ADAM32: variants seen among roughly 807,000 people sequenced by gnomAD.
ADAM32 encodes the protein ADAM metallopeptidase domain 32, also known as disintegrin and metalloproteinase domain-containing protein 32.
A neutral mutation model predicts 114.9 loss-of-function variants in ADAM32; 89 were observed. The ratio of observed to expected loss-of-function variants is 0.77; its 90% confidence interval spans 0.65 to 0.92. ADAM32 has a LOEUF of 0.92. Among genes scored for constraint, ADAM32 ranks in the 40% least tolerant of loss-of-function variants. The pLI is 0.00. For missense variants in ADAM32, 870 were observed against 932.8 expected (o/e 0.93, Z 0.88); for synonymous variants, 285 against 307.5 (o/e 0.93, Z 0.77).
At chr8:39,277,301 T>A (rs570806558) in intron 22 of ADAM32, among the ~76,000 whole-genome samples, 1 of 152,374 alleles carries the variant, frequency 6.6e-6, no homozygotes, top group African/African-American at 2.4e-5. Context: ...TCTAGCCTTC[T>A]GGCTTACCGT....
At chr8:39,127,710 C>G (rs373886631) in intron 2 of ADAM32, among the ~76,000 whole-genome samples, 2 of 151,304 alleles carry the variant, frequency 1.3e-5, no homozygotes, top group African/African-American at 4.9e-5. Context: ...TATTTCTTGT[C>G]TTCTTCTAGC....
chr8:39,217,083 A>T (rs1244127793), intron 12 of ADAM32, among the ~76,000 whole-genome samples: 4 of 141,160 alleles, frequency 2.8e-5, no homozygotes, highest in Non-Finnish European at 6.1e-5. Context: ...GAAAGTCTTT[A>T]TTTCTCCATT....
At chr8:39,142,432 T>TA (rs1803219842) in intron 3 of ADAM32, among the ~76,000 whole-genome samples, 1 of 152,228 alleles carries the variant, frequency 6.6e-6, no homozygotes, top group Non-Finnish European at 1.5e-5. Context: ...TGCTTGTCTG[T>TA]AAAGTATTTT....
At chr8:39,191,366 C>A (rs1176560165) in intron 11 of ADAM32, among the ~76,000 whole-genome samples, 1 of 152,202 alleles carries the variant, frequency 6.6e-6, no homozygotes, top group East Asian at 1.9e-4. Flanking sequence ...TACACTCCCA[C>A]CAACAGTGTA....
At chr8:39,231,443 G>T (rs964212502) in intron 14 of ADAM32, among the ~76,000 whole-genome samples, 65 of 152,174 alleles carry the variant, frequency 4.3e-4, no homozygotes, top group Admixed American at 2.0e-4. Context: ...AAAATATGCA[G>T]AGAAAACCTG....
At chr8:39,170,571 T>C (rs943863229) in intron 10 of ADAM32, among the ~76,000 whole-genome samples, 6 of 152,184 alleles carry the variant, frequency 3.9e-5, no homozygotes, top group Middle Eastern at 6.8e-3. Context: ...GTTTAAGTAC[T>C]ATTTTTTTAA....
chr8:39,255,438 G>A (rs775163194), intron 18 of ADAM32, among the ~76,000 whole-genome samples: 22 of 151,928 alleles, frequency 1.4e-4, no homozygotes, highest in Non-Finnish European at 1.6e-4. Context: ...GAGTAAGGTG[G>A]TATTGCATTG....
chr8:39,184,369 G>C (rs965104761), intron 10 of ADAM32, among the ~76,000 whole-genome samples: 3 of 152,150 alleles, frequency 2.0e-5, no homozygotes, highest in African/African-American at 7.2e-5. Flanking sequence ...ATATGTGCTA[G>C]TATTTCTATT....
chr8:39,111,752 A>G (rs1840170957), intron 1 of ADAM32, among the ~76,000 whole-genome samples: 2 of 151,874 alleles, frequency 1.3e-5, no homozygotes, highest in Admixed American at 6.6e-5. Flanking sequence ...AGGAAAAAAA[A>G]AAAGAACAAG....
chr8:39,239,911 A>G (rs1810446544), intron 16 of ADAM32, among the ~76,000 whole-genome samples: 1 of 152,208 alleles, frequency 6.6e-6, no homozygotes, highest in African/African-American at 2.4e-5. Context: ...CTAACACTAG[A>G]GCTCCCAAAT....
chr8:39,160,426 G>A (rs1447657809), intron 6 of ADAM32, among the ~76,000 whole-genome samples: 1 of 151,488 alleles, frequency 6.6e-6, no homozygotes, highest in South Asian at 2.1e-4. Flanking sequence ...TGTAGTCCCA[G>A]CTACTCCGGA....
chr8:39,132,668 T>G (rs185342187), intron 2 of ADAM32, among the ~76,000 whole-genome samples: 5 of 152,334 alleles, frequency 3.3e-5, no homozygotes, highest in African/African-American at 1.2e-4. Context: ...CTAAATAAAT[T>G]TCTTCAGTAT....
intron 14 of ADAM32, chr8:39,223,454 A>G (rs1313060965): frequency 3.9e-6 from 1 of 258,646 alleles, no homozygotes; most frequent in African/African-American, 2.2e-5. Flanking sequence ...ATAAGCAAAC[A>G]TATACGCGCT....
At chr8:39,246,502 A>G (rs1276984035) in intron 17 of ADAM32, among the ~76,000 whole-genome samples, 1 of 152,208 alleles carries the variant, frequency 6.6e-6, no homozygotes, top group Non-Finnish European at 1.5e-5. Context: ...GGGATCATGA[A>G]AAACTATTGT....
At chr8:39,112,118 A>T (rs981515050) in intron 1 of ADAM32, among the ~76,000 whole-genome samples, 1 of 152,124 alleles carries the variant, frequency 6.6e-6, no homozygotes, top group Non-Finnish European at 1.5e-5. Flanking sequence ...CTGATTGTCA[A>T]TTTTACTATA....
At chr8:39,147,268 T>C in intron 4 of ADAM32, 63 bp downstream of exon 4, 1 of 676,894 alleles carries the variant, frequency 1.5e-6, no homozygotes, top group Non-Finnish European at 2.0e-6. Context: ...ATAAATGCTT[T>C]ATTATACAGA....
Position 39,254,503 on chromosome 8 carries a change from TG to T in ADAM32, c.1993del (p.Glu665ArgfsTer21). 1 of 1,581,512 alleles carries T rather than the reference TG, an allele frequency of 6.3e-7. No homozygotes were observed. Among genetic ancestry groups the T allele is most frequent in the Non-Finnish European group, 8.6e-7 (1 of 1,161,624 alleles). On this transcript the variant is annotated frameshift_variant, in exon 18 of 25. Transcript: ENST00000379907. LOFTEE classifies it high-confidence loss of function. ...GTTCCAAAGGATTTTCCATATTTCC[TG>T]AGGAAGATATGGGCAAGTATTTGTC... is the stretch of plus-strand genomic sequence containing the variant. ...IRSKGFSIFP[E>X]EDMGSIMERA...
intron 11 of ADAM32, among the ~76,000 whole-genome samples, chr8:39,208,326 A>G: frequency 6.6e-6 from 1 of 152,106 alleles, no homozygotes; most frequent in East Asian, 1.9e-4. Flanking sequence ...CTTCTCCCCA[A>G]TTTTGACTTT....
At chr8:39,214,925 G>A (rs553484156) in intron 12 of ADAM32, among the ~76,000 whole-genome samples, 1 of 152,138 alleles carries the variant, frequency 6.6e-6, no homozygotes, top group African/African-American at 2.4e-5. Context: ...AGTTTTCTCA[G>A]CATCATTTAT....
Sources: gnomAD v4.1 joint callset for allele counts (sites outside exome capture counted in the v4.1 genomes callset) on GRCh38, gnomAD v4.1.1 for gene constraint, MANE v1.5 for transcripts, NCBI Gene and HGNC (gene_info 2026-07-23, HGNC 2026-07-21) for gene names.